The following ENPEP variants were observed in gnomAD, a reference collection of about 807,000 sequenced individuals.
ENPEP encodes the protein glutamyl aminopeptidase, also known as AP-A.
Under a neutral mutation model 114.5 loss-of-function variants are expected in ENPEP, and 103 were observed. The ratio of observed to expected loss-of-function variants is 0.90; its 90% CI spans 0.77 to 1.06. ENPEP has a LOEUF of 1.06. Among genes scored for constraint, ENPEP ranks in the 50% least tolerant of loss-of-function variants. The pLI is 0.00. For missense variants in ENPEP, 1,196 were observed against 1,161.3 expected, an observed-to-expected ratio of 1.03 and a Z score of -0.43; for synonymous variants, 420 against 422.0, an observed-to-expected ratio of 1.00 and a Z score of 0.06.
intron 10 of ENPEP, among the ~76,000 whole-genome samples, chr4:110,525,489 C>T (rs1457050789): frequency 5.3e-5 from 8 of 152,234 alleles, no homozygotes; most frequent in Non-Finnish European, 8.8e-5. Flanking sequence ...CACCCGTTCC[C>T]ACCCACGTGT....
intron 18 of ENPEP, among the ~76,000 whole-genome samples, chr4:110,555,854 T>G (rs987313873): frequency 2.0e-5 from 3 of 151,996 alleles, no homozygotes; most frequent in African/African-American, 7.2e-5. Flanking sequence ...TAAAATATAA[T>G]TAAATCCTTA....
At chr4:110,555,106 A>G (rs1578421252) in intron 18 of ENPEP, among the ~76,000 whole-genome samples, 1 of 152,210 alleles carries the variant, frequency 6.6e-6, no homozygotes, top group Admixed American at 6.5e-5. Flanking sequence ...AGATAAAAAA[A>G]GAAGATAAAC....
chr4:110,510,179 C>A (rs192501519), intron 5 of ENPEP, 66 bp from the exon 6 acceptor site: 1 of 1,331,104 alleles, frequency 7.5e-7, no homozygotes, highest in Non-Finnish European at 1.1e-6. Flanking sequence ...AATGTTTTGA[C>A]ATTTTCTAGG....
chr4:110,489,961 T>C (rs563044909), intron 2 of ENPEP, among the ~76,000 whole-genome samples: 44 of 152,152 alleles, frequency 2.9e-4, no homozygotes, highest in Non-Finnish European at 5.4e-4. Flanking sequence ...TTAGCAGCCA[T>C]CCATGCCTCA....
chr4:110,491,007 A>G (rs763547717), intron 2 of ENPEP, 26 bp from the exon 3 acceptor site: 1 of 1,598,294 alleles, frequency 6.3e-7, no homozygotes, highest in Admixed American at 1.8e-5. Context: ...TTTGATCGAT[A>G]AAAGTTTATC....
At chr4:110,486,749 C>G (rs1724517710) in intron 1 of ENPEP, among the ~76,000 whole-genome samples, 1 of 152,236 alleles carries the variant, frequency 6.6e-6, no homozygotes, top group East Asian at 1.9e-4. Context: ...TGTAACTGCC[C>G]AGTGGGTTCA....
In ENPEP at chr4:110,510,318, A is replaced by T. The variant is rs768619058; in HGVS notation, c.1268A>T (p.Glu423Val). The part of the protein sequence containing the change: ...WLNEGFASFF[E>V]FLGVNHAETD... The stretch of plus-strand genomic sequence containing the variant: ...AATGAAGGATTTGCTTCTTTCTTTG[A>T]GTTTCTGGGAGTAAACCATGCAGAA... The change falls in exon 6 of 20, where the codon GAG (glutamate) becomes GTG (valine). Residue 423 changes from glutamate (E) to valine (V), a missense_variant. Coordinates refer to ENST00000265162, the MANE Select transcript of ENPEP (RefSeq NM_001977.4). 2 of 1,614,146 alleles carry T rather than the reference A, an allele frequency of 1.2e-6. No individual in the cohort carries two copies. Among genetic ancestry groups the T allele is most frequent in the South Asian group, 2.2e-5 (2 of 91,084 alleles).
chr4:110,494,169 TG>T (rs893244137), intron 3 of ENPEP, among the ~76,000 whole-genome samples: 2 of 152,238 alleles, frequency 1.3e-5, no homozygotes, highest in African/African-American at 4.8e-5. Context: ...AAGCATGGCT[TG>T]GGTCTGATCC....
chr4:110,546,298 A>G (rs577062332), intron 13 of ENPEP, among the ~76,000 whole-genome samples: 1 of 152,040 alleles, frequency 6.6e-6, no homozygotes, highest in East Asian at 2.0e-4. Flanking sequence ...AAACAGACAC[A>G]GAAATAATTC....
chr4:110,499,738 A>G (rs1725081918), intron 3 of ENPEP, among the ~76,000 whole-genome samples: 1 of 152,220 alleles, frequency 6.6e-6, no homozygotes, highest in South Asian at 2.1e-4. Context: ...ATATTGCCAA[A>G]TTAGTTTGCT....
At chr4:110,490,054 C>G (rs1560552014) in intron 2 of ENPEP, among the ~76,000 whole-genome samples, 1 of 152,200 alleles carries the variant, frequency 6.6e-6, no homozygotes, top group East Asian at 1.9e-4. Flanking sequence ...GTATGACACA[C>G]CAATCTAGAT....
intron 17 of ENPEP, among the ~76,000 whole-genome samples, chr4:110,552,221 A>T (rs1053583010): frequency 6.6e-6 from 1 of 152,118 alleles, no homozygotes; most frequent in Non-Finnish European, 1.5e-5. Context: ...TCACTCTCCC[A>T]TGCCATTTTG....
chr4:110,541,245 A>T (rs1726835632), intron 11 of ENPEP, among the ~76,000 whole-genome samples: 3 of 152,110 alleles, frequency 2.0e-5, no homozygotes, highest in Admixed American at 1.3e-4. Context: ...CTCATATATT[A>T]TGAAAAACTA....
chr4:110,553,440 A>T lies in ENPEP; in HGVS notation c.2627A>T (p.Asp876Val), dbSNP rs533760687. 28 of 1,609,552 alleles carry T rather than the reference A, an allele frequency of 1.7e-5. No homozygotes were observed. Among genetic ancestry groups the T allele is most frequent in the South Asian group, 1.5e-4 (14 of 90,402 alleles). ...MAWNWIQLNW[D>V]YLVNRYTLNN... ...TGGAATTGGATACAACTCAACTGGG[A>T]CTATCTAGTCAACAGGTGGGATGAT... Residue 876 changes from aspartate (D) to valine (V), a missense_variant, in exon 18 of 20, where the codon GAC becomes GTC. Physicochemically the swap from Asp to Val is radical, Grantham distance 152. Coordinates refer to ENST00000265162, the MANE Select transcript of ENPEP (RefSeq NM_001977.4).
At chr4:110,520,128 A>T in intron 9 of ENPEP, 55 bp downstream of exon 9, 1 of 1,595,948 alleles carries the variant, frequency 6.3e-7, no homozygotes, top group South Asian at 1.1e-5. Flanking sequence ...CAAATGGCTT[A>T]CCAATCATTT....
chr4:110,524,793 G>A (rs1726134256), intron 10 of ENPEP, among the ~76,000 whole-genome samples: 1 of 152,150 alleles, frequency 6.6e-6, no homozygotes, highest in Admixed American at 6.5e-5. Context: ...GGGTCTTGCT[G>A]TATCACATAG....
At chr4:110,510,639 A>C (rs1356586908) in intron 6 of ENPEP, among the ~76,000 whole-genome samples, 3 of 152,122 alleles carry the variant, frequency 2.0e-5, no homozygotes, top group African/African-American at 7.2e-5. Flanking sequence ...GGTGGCATAG[A>C]AAATGTTAAC....
chr4:110,548,121 G>A, intron 13 of ENPEP, 55 bp from the exon 14 acceptor site: 2 of 1,348,708 alleles, frequency 1.5e-6, no homozygotes, highest in Non-Finnish European at 1.9e-6. Flanking sequence ...AAAGTCTGTG[G>A]TTTTTAATTA....
chr4:110,501,429 C>T (rs1177492292), intron 3 of ENPEP, among the ~76,000 whole-genome samples: 2 of 152,106 alleles, frequency 1.3e-5, no homozygotes, highest in East Asian at 3.9e-4. Context: ...CATTCTCACC[C>T]TCCTCCCTCT....
Sources: gnomAD v4.1 joint callset for allele counts (sites outside exome capture counted in the v4.1 genomes callset) on GRCh38, gnomAD v4.1.1 for gene constraint, MANE v1.5 for transcripts, NCBI Gene and HGNC (gene_info 2026-07-23, HGNC 2026-07-21) for gene names.